Variants in CADM1 observed in about 807,000 individuals in gnomAD.
CADM1 encodes TSLC-1.
In CADM1, 15 loss-of-function variants were observed where a neutral mutation model predicts 53.1. The ratio of observed to expected loss-of-function variants is 0.28; its 90% CI spans 0.19 to 0.44. The LOEUF (loss-of-function observed/expected upper bound fraction) is 0.44, where lower values mean the gene tolerates loss of function less well. CADM1 is among the 20% of genes least tolerant of loss of function. CADM1 has a pLI of 1.00. For synonymous variants in CADM1, 281 were observed against 243.0 expected (o/e 1.16, Z -1.45); for missense variants, 434 against 611.3 (o/e 0.71, Z 3.06).
chr11:115,413,457 C>A (rs1172242017), intron 1 of CADM1, among the ~76,000 whole-genome samples: 1 of 152,096 alleles, frequency 6.6e-6, no homozygotes, highest in Non-Finnish European at 1.5e-5. Flanking sequence ...ATGTGTCTGG[C>A]ACTGTTCTAG....
chr11:115,249,575 C>T (rs897729480), intron 1 of CADM1, among the ~76,000 whole-genome samples: 39 of 152,332 alleles, frequency 2.6e-4, no homozygotes, highest in African/African-American at 8.9e-4. Flanking sequence ...GATTAAAACT[C>T]AAAACACATA....
At chr11:115,383,101 T>C (rs1272560310) in intron 1 of CADM1, among the ~76,000 whole-genome samples, 1 of 152,204 alleles carries the variant, frequency 6.6e-6, no homozygotes, top group African/African-American at 2.4e-5. Context: ...CTTTAATCTA[T>C]TTTAAAGTTG....
At chr11:115,372,084 T>C (rs1033807182) in intron 1 of CADM1, among the ~76,000 whole-genome samples, 1 of 152,182 alleles carries the variant, frequency 6.6e-6, no homozygotes, top group African/African-American at 2.4e-5. Context: ...AAATTAGCAG[T>C]GAAGGTATAA....
rs113294834 is a variant in CADM1 at position 115,235,274 on chromosome 11, T to C, written c.424+3226A>G. On this transcript the variant is annotated intron_variant, in intron 3 of 11. Transcript: ENST00000331581. ...TTGGACAAGAAAATCTTAAAACTTA[T>C]TTGGTCTATTAATTCTATCCTGTTT... 8.5e-4 allele frequency among the ~76,000 whole-genome samples: 130 copies of C among 152,268 alleles called. 1 individual carries two copies. Among genetic ancestry groups the C allele is most frequent in the Middle Eastern group, 3.4e-3 (1 of 294 alleles).
intron 1 of CADM1, among the ~76,000 whole-genome samples, chr11:115,292,868 T>A (rs915036890): frequency 2.0e-5 from 3 of 152,202 alleles, no homozygotes; most frequent in Non-Finnish European, 2.9e-5. Flanking sequence ...TTTTTGAACA[T>A]GTTGAATCAA....
At chr11:115,375,843 G>A (rs1022473289) in intron 1 of CADM1, among the ~76,000 whole-genome samples, 13 of 151,946 alleles carry the variant, frequency 8.6e-5, no homozygotes, top group Non-Finnish European at 1.3e-4. Flanking sequence ...CAAGTCTCTC[G>A]AATAAGCTAT....
At chr11:115,195,947 A>G (rs1940125576) in intron 9 of CADM1, among the ~76,000 whole-genome samples, 1 of 152,196 alleles carries the variant, frequency 6.6e-6, no homozygotes, top group Admixed American at 6.5e-5. Flanking sequence ...ATCAGCCTAG[A>G]TTATCTATCA....
chr11:115,215,395 C>G (rs1941137591), intron 6 of CADM1, among the ~76,000 whole-genome samples: 1 of 152,204 alleles, frequency 6.6e-6, no homozygotes, highest in African/African-American at 2.4e-5. Context: ...CCACCCCTGT[C>G]TCTGATGCCC....
intron 1 of CADM1, among the ~76,000 whole-genome samples, chr11:115,398,652 C>G (rs1323269675): frequency 6.6e-6 from 1 of 152,166 alleles, no homozygotes; most frequent in Admixed American, 6.5e-5. Context: ...TGTTTAAATT[C>G]CATTTTAGAT....
intron 8 of CADM1, among the ~76,000 whole-genome samples, chr11:115,206,168 T>C (rs1241872221): frequency 1.3e-5 from 2 of 152,244 alleles, no homozygotes; most frequent in African/African-American, 2.4e-5. Flanking sequence ...AAAGGCTGTA[T>C]GGGTACGGTT....
At chr11:115,229,362 C>T in intron 4 of CADM1, 91 bp from the exon 5 acceptor site, 2 of 1,176,812 alleles carry the variant, frequency 1.7e-6, no homozygotes, top group South Asian at 1.2e-5. Flanking sequence ...CTAACCCCAA[C>T]ATTGCTATTT....
chr11:115,209,536 C>T (rs772993632), intron 8 of CADM1, 38 bp downstream of exon 8: 8 of 1,556,918 alleles, frequency 5.1e-6, no homozygotes, highest in Non-Finnish European at 7.0e-6. Flanking sequence ...AGACAATATA[C>T]ATTCAGGACA....
intron 1 of CADM1, among the ~76,000 whole-genome samples, chr11:115,493,909 G>A (rs1949552773): frequency 6.6e-6 from 1 of 152,128 alleles, no homozygotes; most frequent in South Asian, 2.1e-4. Flanking sequence ...AGAGACTAGA[G>A]ACCATATCCA....
At chr11:115,394,658 T>C (rs898791932) in intron 1 of CADM1, among the ~76,000 whole-genome samples, 1 of 152,196 alleles carries the variant, frequency 6.6e-6, no homozygotes, top group Non-Finnish European at 1.5e-5. Context: ...ACAATCTGCA[T>C]GCAGACTGAG....
chr11:115,378,400 G>C (rs2135146006), intron 1 of CADM1, among the ~76,000 whole-genome samples: 1 of 152,194 alleles, frequency 6.6e-6, no homozygotes, highest in East Asian at 1.9e-4. Flanking sequence ...ACATCAAGCA[G>C]AGACTGTCAG....
intron 1 of CADM1, among the ~76,000 whole-genome samples, chr11:115,489,841 G>A (rs1164080892): frequency 6.6e-6 from 1 of 152,198 alleles, no homozygotes; most frequent in East Asian, 1.9e-4. Context: ...TGCTTGAGGT[G>A]AATCTTGAGA....
intron 1 of CADM1, among the ~76,000 whole-genome samples, chr11:115,352,224 C>T (rs1945755960): frequency 6.6e-6 from 1 of 152,172 alleles, no homozygotes; most frequent in African/African-American, 2.4e-5. Context: ...AGTTTCATAA[C>T]AAAATTGTGA....
chr11:115,500,001 A>T (rs1158342506), intron 1 of CADM1, among the ~76,000 whole-genome samples: 1 of 152,236 alleles, frequency 6.6e-6, no homozygotes, highest in Non-Finnish European at 1.5e-5. Context: ...ACACACACAC[A>T]CTGATACCAT....
chr11:115,201,738 C>T (rs1157312512), intron 8 of CADM1, among the ~76,000 whole-genome samples: 1 of 151,972 alleles, frequency 6.6e-6, no homozygotes, highest in East Asian at 1.9e-4. Context: ...TGAGCTAGCC[C>T]ATGAGAAAAA....
Sources: allele counts gnomAD v4.1 joint callset (sites outside exome capture counted in the v4.1 genomes callset), GRCh38; gene constraint gnomAD v4.1.1; transcripts MANE v1.5; gene names NCBI Gene and HGNC (gene_info 2026-07-23, HGNC 2026-07-21).